The following ARFIP1 variants were observed in gnomAD, a reference collection of about 807,000 sequenced individuals.
The protein encoded by ARFIP1 is ARF interacting protein 1.
In ARFIP1, 24 loss-of-function variants were observed where a neutral mutation model predicts 42.5. The ratio of observed to expected loss-of-function variants is 0.57; its 90% CI spans 0.41 to 0.80. The LOEUF (loss-of-function observed/expected upper bound fraction) is 0.80. Ranked by LOEUF, ARFIP1 falls within the 30% of genes least tolerant of loss-of-function variation. The probability of loss-of-function intolerance (pLI) is 0.00; values close to 1 mark genes in which losing one functional copy is unlikely to be tolerated. For missense variants in ARFIP1, 354 were observed against 434.0 expected (o/e 0.82, Z 1.64); for synonymous variants, 141 against 153.7 (o/e 0.92, Z 0.61).
intron 8 of ARFIP1, among the ~76,000 whole-genome samples, chr4:152,894,661 C>G (rs1737160259): frequency 6.6e-6 from 1 of 152,152 alleles, no homozygotes; most frequent in African/African-American, 2.4e-5. Context: ...GTAAGCATAA[C>G]AAGCAACCAG....
chr4:152,804,487 T>TA (rs1728842530), intron 1 of ARFIP1, among the ~76,000 whole-genome samples: 2 of 95,884 alleles, frequency 2.1e-5, no homozygotes, highest in Non-Finnish European at 4.3e-5. Flanking sequence ...ATATATATTA[T>TA]TTATATATAT....
At chr4:152,847,121 G>GTTTTTTTTTTTT (rs1561139273) in intron 2 of ARFIP1, among the ~76,000 whole-genome samples, 1 of 48,178 alleles carries the variant, frequency 2.1e-5, no homozygotes, top group Non-Finnish European at 4.3e-5. Context: ...TTTTAGGTTT[G>GTTTTTTTTTTTT]TTCTTTTTTT....
At chr4:152,893,393 C>A (rs1186418956) in intron 8 of ARFIP1, among the ~76,000 whole-genome samples, 1 of 150,006 alleles carries the variant, frequency 6.7e-6, no homozygotes, top group Non-Finnish European at 1.5e-5. Flanking sequence ...ATATGCAGAT[C>A]AATGTAAGCA....
Position 152,910,119 on chromosome 4 carries a change from T to C in ARFIP1, c.1022T>C (p.Phe341Ser). The C allele has an allele frequency of 6.2e-7, 1 of 1,614,206 alleles. No homozygotes were observed. The highest frequency in any genetic ancestry group is 1.3e-5 in the African/African-American group (1 of 75,058). The change falls in exon 9 of 9, where the codon TTT becomes TCT. Residue 341 changes from phenylalanine (F) to serine (S), a missense_variant. By Grantham distance (155) the Phe-to-Ser change is radical (BLOSUM62 -2). Coordinates refer to ENST00000353617, the MANE Select transcript of ARFIP1 (RefSeq NM_001025595.3). ...VLFHNAIAAY[F>S]AGNQKQLEQT... ...TTCCACAATGCCATTGCCGCTTACT[T>C]TGCTGGGAATCAGAAGCAGCTTGAA...
At chr4:152,898,467 A>G (rs1737545806) in intron 8 of ARFIP1, among the ~76,000 whole-genome samples, 1 of 152,106 alleles carries the variant, frequency 6.6e-6, no homozygotes, top group Non-Finnish European at 1.5e-5. Context: ...TTCTTCCCTT[A>G]AATTTTCAAA....
intron 2 of ARFIP1, among the ~76,000 whole-genome samples, chr4:152,833,242 C>CAAA (rs141860697): frequency 2.9e-5 from 4 of 136,286 alleles, no homozygotes; most frequent in East Asian, 2.1e-4. Context: ...AGACATTTTT[C>CAAA]AAAAAAAAAA....
At chr4:152,854,472 T>C (rs1356191049) in intron 2 of ARFIP1, among the ~76,000 whole-genome samples, 2 of 152,204 alleles carry the variant, frequency 1.3e-5, no homozygotes, top group Non-Finnish European at 2.9e-5. Context: ...CCTGAATTTC[T>C]TTTTGGTTGG....
At chr4:152,866,861 G>A (rs1328951765) in intron 3 of ARFIP1, among the ~76,000 whole-genome samples, 3 of 151,954 alleles carry the variant, frequency 2.0e-5, no homozygotes, top group Non-Finnish European at 4.4e-5. Flanking sequence ...CCCAGACGGG[G>A]CGGCGGGGCA....
intron 8 of ARFIP1, among the ~76,000 whole-genome samples, chr4:152,889,333 T>C (rs182444150): frequency 1.3e-3 from 199 of 151,538 alleles, no homozygotes; most frequent in African/African-American, 4.4e-3. Flanking sequence ...CTGACTTGTT[T>C]TTAAGCTGCT....
intron 2 of ARFIP1, among the ~76,000 whole-genome samples, chr4:152,851,727 A>G (rs931640748): frequency 3.3e-5 from 5 of 152,222 alleles, no homozygotes; most frequent in Non-Finnish European, 5.9e-5. Flanking sequence ...AAGAGGAGTG[A>G]GACTTAGGAC....
chr4:152,880,896 A>G (rs1270911468), intron 5 of ARFIP1, 67 bp from the exon 6 acceptor site: 28 of 1,296,082 alleles, frequency 2.2e-5, no homozygotes, highest in African/African-American at 3.0e-5. Flanking sequence ...GGTGTATGCC[A>G]TATGCTCTAG....
At chr4:152,873,377 T>C (rs1027025744) in intron 5 of ARFIP1, among the ~76,000 whole-genome samples, 8 of 152,214 alleles carry the variant, frequency 5.3e-5, no homozygotes, top group Non-Finnish European at 8.8e-5. Context: ...AATTTATTCT[T>C]TCAGTTAATA....
intron 2 of ARFIP1, among the ~76,000 whole-genome samples, chr4:152,857,847 C>T (rs766348421): frequency 1.3e-5 from 2 of 152,178 alleles, no homozygotes; most frequent in Non-Finnish European, 2.9e-5. Context: ...TGTTTACTAT[C>T]AATCTCCTCC....
At chr4:152,896,774 A>G (rs1175147057) in intron 8 of ARFIP1, among the ~76,000 whole-genome samples, 2 of 152,154 alleles carry the variant, frequency 1.3e-5, no homozygotes, top group African/African-American at 4.8e-5. Context: ...TAGCTAGAAA[A>G]TGTTTCTTAA....
intron 7 of ARFIP1, 112 bp downstream of exon 7, chr4:152,882,992 A>T: frequency 8.8e-7 from 1 of 1,137,636 alleles, no homozygotes; most frequent in Non-Finnish European, 1.2e-6. Context: ...GCAGGAAAAA[A>T]ATGTACTGGA....
At chr4:152,889,339 C>T (rs1037487920) in intron 8 of ARFIP1, among the ~76,000 whole-genome samples, 6 of 151,124 alleles carry the variant, frequency 4.0e-5, no homozygotes, top group African/African-American at 1.5e-4. Flanking sequence ...TGTTTTTAAG[C>T]TGCTATGGGT....
chr4:152,889,829 C>CTA (rs1187916914), intron 8 of ARFIP1, among the ~76,000 whole-genome samples: 30 of 85,302 alleles, frequency 3.5e-4, no homozygotes, highest in African/African-American at 1.1e-3. Context: ...ACTATATATA[C>CTA]TATATACTAT....
chr4:152,783,614 A>G (rs530479166), intron 1 of ARFIP1, among the ~76,000 whole-genome samples: 2 of 152,308 alleles, frequency 1.3e-5, no homozygotes, highest in East Asian at 1.9e-4. Context: ...CTAGACTACT[A>G]CTGTAGACAA....
intron 8 of ARFIP1, among the ~76,000 whole-genome samples, chr4:152,890,270 T>C (rs1033596808): frequency 2.0e-5 from 3 of 151,986 alleles, no homozygotes; most frequent in African/African-American, 7.2e-5. Context: ...ATGTGTACAC[T>C]GAGCAGGGAG....
Sources: gnomAD v4.1 joint callset for allele counts (sites outside exome capture counted in the v4.1 genomes callset) on GRCh38, gnomAD v4.1.1 for gene constraint, MANE v1.5 for transcripts, NCBI Gene and HGNC (gene_info 2026-07-23, HGNC 2026-07-21) for gene names.